Variants in DENND5A observed in about 807,000 individuals in gnomAD.
The protein encoded by DENND5A is DENN domain containing 5A, also known as DENN domain-containing protein 5A.
A neutral mutation model predicts 140.3 loss-of-function variants in DENND5A; 64 were observed. The observed-to-expected ratio is 0.46, with a 90% CI of 0.37 to 0.56. The LOEUF (loss-of-function observed/expected upper bound fraction) is 0.56. Among genes scored for constraint, DENND5A ranks in the 20% least tolerant of loss-of-function variants. DENND5A has a pLI of 0.00. For synonymous variants in DENND5A, 605 were observed against 607.7 expected, an observed-to-expected ratio of 1.00 and a Z score of 0.07; for missense variants, 1,292 against 1,593.8, an observed-to-expected ratio of 0.81 and a Z score of 3.22.
At chr11:9,139,999 G>A in intron 22 of DENND5A, 145 bp from the exon 23 acceptor site, 1 of 992,698 alleles carries the variant, frequency 1.0e-6, no homozygotes, top group Non-Finnish European at 1.5e-6. Flanking sequence ...TTCCCAAACA[G>A]GGACTGGCAA....
At position 9,204,055 on chromosome 11, in the gene DENND5A, A is replaced by G; in HGVS notation, c.554T>C (p.Val185Ala). Residue 185 changes from valine (V) to alanine (A), a missense_variant, in exon 4 of 23, where the codon GTG becomes GCG. Physicochemically the swap from Val to Ala is moderately conservative, Grantham distance 64. Coordinates refer to ENST00000328194, the MANE Select transcript of DENND5A (RefSeq NM_015213.4). Reference sequence around the variant, plus strand: ...GGAGTTGAAGCGCTGCAGTTTGGTCACAGGAGTGTCTTCACCATCCTCCAT... The same window carrying G: ...GGAGTTGAAGCGCTGCAGTTTGGTCGCAGGAGTGTCTTCACCATCCTCCAT... The part of the protein sequence containing the change: ...SSMEDGEDTP[V>A]TKLQRFNSYD... The G allele has an allele frequency of 6.2e-7, 1 of 1,614,194 alleles. No homozygotes were observed.
rs1475197808 is a variant in DENND5A, at chr11:9,204,325, A to G, written c.292-8T>C. The G allele has an allele frequency of 6.2e-7, 1 of 1,604,680 alleles. No homozygotes were observed. The highest frequency in any genetic ancestry group is 8.5e-7 in the Non-Finnish European group (1 of 1,178,686). ...CCCTTTCGGCATACATAGCTGCAAA[A>G]GACAACAAGGCAACAAGCAGTGAGA... On this transcript the variant is annotated splice_region_variant and splice_polypyrimidine_tract_variant and intron_variant, in intron 3 of 22. Coordinates refer to ENST00000328194, the MANE Select transcript of DENND5A (RefSeq NM_015213.4).
chr11:9,148,861 T>A (rs79798302), intron 15 of DENND5A, among the ~76,000 whole-genome samples: 1,997 of 152,164 alleles, frequency 0.013, 48 homozygotes, highest in African/African-American at 0.045. Flanking sequence ...TGCTTAGAGG[T>A]GAGAGAAGTC....
Position 9,150,113 on chromosome 11 carries a change from C to T in DENND5A, c.2703G>A (p.Leu901=), listed in dbSNP as rs749880027. 1.9e-6 allele frequency: 3 copies of T among 1,613,872 alleles called. No individual in the cohort carries two copies. Among genetic ancestry groups the T allele is most frequent in the Non-Finnish European group, 1.7e-6 (2 of 1,179,848 alleles). The change falls in exon 15 of 23, where the codon CTG becomes CTA. Residue 901 remains leucine (L), a synonymous_variant. Coordinates refer to ENST00000328194, the MANE Select transcript of DENND5A (RefSeq NM_015213.4). ...GCTCATGGTCTGAGAGGAGCTGCTTCAGGTGTCTGGAAAGTAACTTTTTTT... is the reference window on the plus strand; with the variant it reads ...GCTCATGGTCTGAGAGGAGCTGCTTTAGGTGTCTGGAAAGTAACTTTTTTT... ...SMEKKLLSRH[L]KQLLSDHELT... is the part of the protein sequence containing the mutation.
At chr11:9,193,818 C>T in intron 4 of DENND5A, 137 bp from the exon 5 acceptor site, 1 of 754,026 alleles carries the variant, frequency 1.3e-6, no homozygotes, top group Non-Finnish European at 2.1e-6. Context: ...CTAGGGTATG[C>T]TCAATGTGAT....
At chr11:9,221,936 T>C (rs572608398) in intron 1 of DENND5A, among the ~76,000 whole-genome samples, 5 of 152,078 alleles carry the variant, frequency 3.3e-5, no homozygotes, top group African/African-American at 9.6e-5. Flanking sequence ...TTTTTATATT[T>C]TTAGTAGAGA....
intron 11 of DENND5A, among the ~76,000 whole-genome samples, chr11:9,161,686 T>C (rs1288491572): frequency 1.3e-5 from 2 of 152,198 alleles, no homozygotes; most frequent in Non-Finnish European, 2.9e-5. Flanking sequence ...ATCACAGTTT[T>C]TATTAAGTAC....
intron 1 of DENND5A, among the ~76,000 whole-genome samples, chr11:9,236,993 A>T (rs1590319101): frequency 6.6e-6 from 1 of 152,350 alleles, no homozygotes; most frequent in East Asian, 1.9e-4. Context: ...CCACAAATCA[A>T]TCAGAAAAAA....
At position 9,145,132 on chromosome 11, in the gene DENND5A, G is replaced by A; in HGVS notation, c.3004-19C>T. Reference sequence around the variant, plus strand: ...TCTGGCACTATTAGAGAATAGAGAAGATGAGGTAGGTCAGGAAAATCAGAG... The same window carrying A: ...TCTGGCACTATTAGAGAATAGAGAAAATGAGGTAGGTCAGGAAAATCAGAG... On this transcript the variant is annotated intron_variant, in intron 17 of 22. Coordinates refer to ENST00000328194, the MANE Select transcript of DENND5A (RefSeq NM_015213.4). 6.5e-7 allele frequency: 1 copy of A among 1,546,488 alleles called. No homozygotes were observed. Among genetic ancestry groups the A allele is most frequent in the Non-Finnish European group, 8.9e-7 (1 of 1,118,524 alleles).
intron 4 of DENND5A, among the ~76,000 whole-genome samples, chr11:9,196,573 T>G (rs1849336381): frequency 6.6e-6 from 1 of 152,202 alleles, no homozygotes; most frequent in East Asian, 1.9e-4. Flanking sequence ...CCCTTCATTT[T>G]ACACTCCTGA....
intron 4 of DENND5A, among the ~76,000 whole-genome samples, chr11:9,196,927 TATACC>T (rs1195456935): frequency 6.6e-6 from 1 of 151,790 alleles, no homozygotes; most frequent in Admixed American, 6.6e-5. Context: ...TTTATTTTAA[TATACC>T]ATACAGATTT....
chr11:9,140,275 T>C (rs1461173086), intron 22 of DENND5A: 3 of 1,191,024 alleles, frequency 2.5e-6, no homozygotes, highest in African/African-American at 3.1e-5. Flanking sequence ...GTACTATTAT[T>C]ATCCCCACTT....
At chr11:9,254,869 G>A (rs545745158) in intron 1 of DENND5A, among the ~76,000 whole-genome samples, 131 of 152,010 alleles carry the variant, frequency 8.6e-4, no homozygotes, top group African/African-American at 3.0e-3. Context: ...TCAAGAGTTC[G>A]AGACCAGCCT....
intron 1 of DENND5A, among the ~76,000 whole-genome samples, chr11:9,250,371 ATGGT>A (rs1306552997): frequency 1.3e-5 from 2 of 152,060 alleles, no homozygotes; most frequent in Non-Finnish European, 2.9e-5. Flanking sequence ...GGAAAGAACA[ATGGT>A]TGTTGTTAAC....
chr11:9,190,928 C>A (rs751589034), intron 5 of DENND5A, among the ~76,000 whole-genome samples: 2 of 152,090 alleles, frequency 1.3e-5, no homozygotes, highest in Non-Finnish European at 2.9e-5. Flanking sequence ...CTCAGATACC[C>A]CAGAGCTTAT....
chr11:9,204,125 C>T lies in DENND5A; in HGVS notation c.484G>A (p.Asp162Asn), dbSNP rs767063297. 1 of 1,614,178 alleles carries T rather than the reference C, an allele frequency of 6.2e-7. No individual in the cohort carries two copies. The highest frequency in any genetic ancestry group is 2.2e-5 in the East Asian group (1 of 44,870). Residue 162 changes from aspartate (D) to asparagine (N), a missense_variant, in exon 4 of 23, where the codon GAT becomes AAT. By Grantham distance (23) the Asp-to-Asn change is conservative (BLOSUM62 1). Transcript: ENST00000328194. Reference sequence around the variant, plus strand: ...TCAGCAGGGGGAGCATGTAGGACATCATACTCAGCATTGTGCATGTGGTAG... The same window carrying T: ...TCAGCAGGGGGAGCATGTAGGACATTATACTCAGCATTGTGCATGTGGTAG... ...TLYHMHNAEY[D>N]VLHAPPADDR...
chr11:9,204,859 C>CA (rs1455339719), intron 3 of DENND5A, among the ~76,000 whole-genome samples: 4 of 151,448 alleles, frequency 2.6e-5, no homozygotes, highest in African/African-American at 4.9e-5. Flanking sequence ...AGACTGTCAC[C>CA]AAAAAAAGGT....
intron 1 of DENND5A, among the ~76,000 whole-genome samples, chr11:9,246,825 C>G (rs181245667): frequency 2.5e-4 from 38 of 152,260 alleles, no homozygotes; most frequent in Non-Finnish European, 4.4e-4. Context: ...CCATAAACCC[C>G]ACTTCAAGAC....
At chr11:9,244,345 T>C (rs1362749234) in intron 1 of DENND5A, among the ~76,000 whole-genome samples, 1 of 152,160 alleles carries the variant, frequency 6.6e-6, no homozygotes, top group Non-Finnish European at 1.5e-5. Flanking sequence ...GATTAAGGCC[T>C]TTTTTAATTT....
Sources: gnomAD v4.1 joint callset for allele counts (sites outside exome capture counted in the v4.1 genomes callset) on GRCh38, gnomAD v4.1.1 for gene constraint, MANE v1.5 for transcripts, NCBI Gene and HGNC (gene_info 2026-07-23, HGNC 2026-07-21) for gene names.